RGMB: variants seen among roughly 807,000 people sequenced by gnomAD.
The protein encoded by RGMB is repulsive guidance molecule B.
A neutral mutation model predicts 26.9 loss-of-function variants in RGMB; 16 were observed. The ratio of observed to expected loss-of-function variants is 0.60; its 90% CI spans 0.40 to 0.90. The LOEUF is 0.90. Ranked by LOEUF, RGMB falls within the 40% of genes least tolerant of loss-of-function variation. The pLI, the probability that RGMB is intolerant of heterozygous loss-of-function variation, is 0.00. For missense variants in RGMB, 512 were observed against 573.3 expected, an observed-to-expected ratio of 0.89 and a Z score of 1.09; for synonymous variants, 225 against 229.3, an observed-to-expected ratio of 0.98 and a Z score of 0.17.
At chr5:98,786,445 T>G (rs1746769631) in intron 2 of RGMB, among the ~76,000 whole-genome samples, 1 of 152,246 alleles carries the variant, frequency 6.6e-6, no homozygotes, top group Non-Finnish European at 1.5e-5. Flanking sequence ...GTCTGCCTGG[T>G]TAAATTTTCT....
In RGMB at chr5:98,793,761, C is replaced by T. The variant is rs1747022646; in HGVS notation, c.*8C>T. ...CTTATCGTGTTTTTGTAGGGGTTGT[C>T]TTTTGTTTTGGTTTTTTATTTTTTG... On this transcript the variant is annotated 3_prime_UTR_variant, in exon 3 of 3. Transcript: ENST00000513185. 8.6e-6 allele frequency: 13 copies of T among 1,515,386 alleles called. No homozygotes were observed. Among genetic ancestry groups the T allele is most frequent in the Non-Finnish European group, 1.1e-5 (13 of 1,133,374 alleles). 93.9% of individuals were successfully genotyped at this position (1,515,386 alleles called of 1,614,324 possible). A position where few individuals can be genotyped will look rare whatever the true frequency, so the allele number is the denominator to read the frequency against.
rs1365564134 is a variant in RGMB, at chr5:98,794,762, T to A, written c.*1009T>A. ...GCCTCACCTTACGAATCCAAAGAAC[T>A]GGGGTTTGTTAGGTTCTTTCTCTAA... On this transcript the variant is annotated 3_prime_UTR_variant, in exon 3 of 3. Coordinates refer to ENST00000513185, the MANE Select transcript of RGMB (RefSeq NM_001366508.1). 6.6e-6 allele frequency: 1 copy of A among 152,138 alleles called. No homozygotes were observed. Among genetic ancestry groups the A allele is most frequent in the Non-Finnish European group, 1.5e-5 (1 of 68,020 alleles). The allele number at this position is 152,138 out of a possible 1,614,324, so 9.4% of individuals were successfully genotyped here.
upstream of RGMB, chr5:98,770,128 CA>C (rs992156003): frequency 6.5e-6 from 1 of 153,028 alleles, no homozygotes; most frequent in African/African-American, 2.4e-5. Flanking sequence ...CCCGGGACTA[CA>C]AAATGGGATC....
At chr5:98,780,480 A>T (rs1053747984) in intron 2 of RGMB, 1 of 162,742 alleles carries the variant, frequency 6.1e-6, no homozygotes, top group Admixed American at 6.3e-5. Flanking sequence ...TGAATAAAGA[A>T]AGCTGTGAGG....
chr5:98,796,248 G>T lies in RGMB; in HGVS notation c.*2495G>T, dbSNP rs1188138613. On this transcript the variant is annotated 3_prime_UTR_variant, in exon 3 of 3. Transcript: ENST00000513185. ...GGTCTCCTGGGGGAGCTTAAAACGG[G>T]GGAAACACTGGTTTTCACAGATGCT... is the stretch of plus-strand genomic sequence containing the variant. The T allele has an allele frequency of 6.6e-6, 1 of 151,610 alleles. No homozygotes were observed. Among genetic ancestry groups the T allele is most frequent in the Non-Finnish European group, 1.5e-5 (1 of 67,958 alleles). 9.4% of individuals were successfully genotyped at this position (151,610 alleles called of 1,614,324 possible).
intron 2 of RGMB, among the ~76,000 whole-genome samples, chr5:98,787,906 C>G (rs946263292): frequency 2.0e-5 from 3 of 152,340 alleles, no homozygotes; most frequent in South Asian, 4.1e-4. Context: ...TGCTGCTTCT[C>G]TAGACCACCC....
rs746624271 is a variant in RGMB, at chr5:98,779,850, A to G, written c.407A>G (p.His136Arg). The stretch of plus-strand genomic sequence containing the variant: ...TCCTCTACCAACCCCGAAGTGACCC[A>G]TGATCCTTGCAACTATCACAGCCAC... ...PTSSTNPEVT[H>R]DPCNYHSHAG... The change falls in exon 2 of 3, where the codon CAT becomes CGT. Residue 136 changes from histidine to arginine, a missense_variant. By Grantham distance (29) the His-to-Arg change is conservative (BLOSUM62 0). Transcript: ENST00000513185. 4 of 1,614,066 alleles carry G rather than the reference A, an allele frequency of 2.5e-6. No homozygotes were observed. The highest frequency in any genetic ancestry group is 2.5e-6 in the Non-Finnish European group (3 of 1,179,896).
Position 98,793,640 on chromosome 5 carries a change from A to G in RGMB, c.1201A>G (p.Arg401Gly), listed in dbSNP as rs1368673829. ...GGAGGATGTGGAGGCCCTGCACCCAAGGAAGGAACGCTGGCACATTTTCCC... is the reference window on the plus strand; with the variant it reads ...GGAGGATGTGGAGGCCCTGCACCCAGGGAAGGAACGCTGGCACATTTTCCC... Reference protein sequence around the residue: ...ALEDVEALHPRKERWHIFPSS... With the variant: ...ALEDVEALHPGKERWHIFPSS... Residue 401 changes from arginine (R) to glycine (G), a missense_variant, in exon 3 of 3, where the codon AGG (arginine) becomes GGG (glycine). Physicochemically the swap from Arg to Gly is moderately radical, Grantham distance 125. Transcript: ENST00000513185. 1.6e-5 allele frequency: 26 copies of G among 1,614,038 alleles called. No homozygotes were observed. The highest frequency in any genetic ancestry group is 2.2e-5 in the Non-Finnish European group (26 of 1,179,892).
intron 2 of RGMB, chr5:98,781,150 T>C (rs1191947117): frequency 6.6e-6 from 1 of 152,256 alleles, no homozygotes; most frequent in Non-Finnish European, 1.5e-5. Context: ...ATGTGTGGTA[T>C]ACTTTTTAAA....
upstream of RGMB, chr5:98,770,028 G>C (rs1328458925): frequency 6.6e-6 from 1 of 152,350 alleles, no homozygotes; most frequent in Non-Finnish European, 1.5e-5. Flanking sequence ...TAGGGGAGCT[G>C]AGGTTTTCAT....
rs1747032905 is a variant in RGMB at position 98,793,983 on chromosome 5, T to C, written c.*230T>C. On this transcript the variant is annotated 3_prime_UTR_variant, in exon 3 of 3. Transcript: ENST00000513185. ...TTTTGTTTTGCAGTTCTGTGAAATG[T>C]TTTATAATGTCCCTGCCCAGGGACC... 2.3e-6 allele frequency: 1 copy of C among 435,346 alleles called. No homozygotes were observed. The highest frequency in any genetic ancestry group is 2.0e-5 in the African/African-American group (1 of 49,512). The allele number at this position is 435,346 out of a possible 1,614,324, so 27.0% of individuals were successfully genotyped here.
rs181203218 is a variant in RGMB, at chr5:98,793,763, T to C, written c.*10T>C. ...TATCGTGTTTTTGTAGGGGTTGTCTTTTGTTTTGGTTTTTTATTTTTTGTC... is the reference window on the plus strand; with the variant it reads ...TATCGTGTTTTTGTAGGGGTTGTCTCTTGTTTTGGTTTTTTATTTTTTGTC... On this transcript the variant is annotated 3_prime_UTR_variant, in exon 3 of 3. Transcript: ENST00000513185. 2.2e-4 allele frequency: 325 copies of C among 1,507,922 alleles called. No homozygotes were observed. The African/African-American group carries it at 4.1e-3, about 19-fold the overall frequency. 93.4% of individuals were successfully genotyped at this position (1,507,922 alleles called of 1,614,324 possible). A position where few individuals can be genotyped will look rare whatever the true frequency, so the allele number is the denominator to read the frequency against.
chr5:98,781,612 A>G (rs1303739241), intron 2 of RGMB, among the ~76,000 whole-genome samples: 1 of 152,210 alleles, frequency 6.6e-6, no homozygotes, highest in Non-Finnish European at 1.5e-5. Context: ...TGAGAATGGA[A>G]AAAGTCATCA....
upstream of RGMB, chr5:98,770,820 G>A (rs1386974679): frequency 4.2e-6 from 2 of 480,238 alleles, no homozygotes; most frequent in Non-Finnish European, 7.0e-6. Flanking sequence ...AATGATGTAA[G>A]TACAAACCAC....
Position 98,793,660 on chromosome 5 carries a change from T to C in RGMB, c.1221T>C (p.Ile407=). Residue 407 remains isoleucine, a synonymous_variant, in exon 3 of 3, where the codon ATT becomes ATC. Transcript: ENST00000513185. Reference sequence around the variant, plus strand: ...ACCCAAGGAAGGAACGCTGGCACATTTTCCCCAGCAGTGGCAATGGGACTC... The same window carrying C: ...ACCCAAGGAAGGAACGCTGGCACATCTTCCCCAGCAGTGGCAATGGGACTC... ...ALHPRKERWH[I]FPSSGNGTPR... 2 of 1,613,968 alleles carry C rather than the reference T, an allele frequency of 1.2e-6. No homozygotes were observed. The highest frequency in any genetic ancestry group is 1.7e-6 in the Non-Finnish European group (2 of 1,179,862).
At chr5:98,785,674 C>T (rs575436075) in intron 2 of RGMB, among the ~76,000 whole-genome samples, 2 of 152,264 alleles carry the variant, frequency 1.3e-5, no homozygotes, top group East Asian at 1.9e-4. Context: ...GTCATAGTCG[C>T]CAGTTCTTAA....
intron 2 of RGMB, among the ~76,000 whole-genome samples, chr5:98,790,891 AACTC>A (rs1200770269): frequency 6.6e-6 from 1 of 152,158 alleles, no homozygotes. Context: ...GTCTATTACT[AACTC>A]TTATTTTAGC....
intron 1 of RGMB, among the ~76,000 whole-genome samples, chr5:98,775,656 A>C (rs1746376618): frequency 6.6e-6 from 1 of 152,170 alleles, no homozygotes; most frequent in Non-Finnish European, 1.5e-5. Flanking sequence ...CAGAATTGGA[A>C]TGTGGTCCCT....
intron 1 of RGMB, among the ~76,000 whole-genome samples, chr5:98,778,746 T>A (rs965669301): frequency 6.6e-6 from 1 of 152,222 alleles, no homozygotes. Context: ...TTGATTTTTT[T>A]AAAACTAATA....
Sources: gnomAD v4.1 joint callset for allele counts (sites outside exome capture counted in the v4.1 genomes callset) on GRCh38, gnomAD v4.1.1 for gene constraint, MANE v1.5 for transcripts, NCBI Gene and HGNC (gene_info 2026-07-23, HGNC 2026-07-21) for gene names.